BAZ1B: variants seen among roughly 807,000 people sequenced by gnomAD.
BAZ1B encodes the protein tyrosine-protein kinase BAZ1B.
In BAZ1B, 22 loss-of-function variants were observed where a neutral mutation model predicts 153.8. That is an observed-to-expected ratio of 0.14 (90% CI 0.10 to 0.20). BAZ1B has a LOEUF of 0.20. Among genes scored for constraint, BAZ1B ranks in the 10% least tolerant of loss-of-function variants. BAZ1B has a pLI of 1.00. For synonymous variants in BAZ1B, 676 were observed against 633.4 expected, an observed-to-expected ratio of 1.07 and a Z score of -1.01; for missense variants, 1,325 against 1,799.3, an observed-to-expected ratio of 0.74 and a Z score of 4.77.
At chr7:73,462,859 C>T in intron 12 of BAZ1B, 63 bp downstream of exon 12, 1 of 1,562,446 alleles carries the variant, frequency 6.4e-7, no homozygotes, top group Non-Finnish European at 8.8e-7. Flanking sequence ...AGAACAGCAC[C>T]AGGGAAGAAC....
At chr7:73,510,562 C>T (rs975813429) in intron 2 of BAZ1B, among the ~76,000 whole-genome samples, 174 bp downstream of exon 2, 3 of 152,228 alleles carry the variant, frequency 2.0e-5, no homozygotes, top group African/African-American at 4.8e-5. Flanking sequence ...TTCCATATTG[C>T]TACTGCAAAA....
intron 3 of BAZ1B, among the ~76,000 whole-genome samples, chr7:73,501,194 T>C (rs768041621): frequency 1.3e-5 from 2 of 152,000 alleles, no homozygotes; most frequent in Non-Finnish European, 2.9e-5. Flanking sequence ...ATGCGGAGGT[T>C]GCGGTGAGCC....
chr7:73,489,089 A>T (rs1554574972), intron 6 of BAZ1B, 105 bp downstream of exon 6: 2 of 1,202,678 alleles, frequency 1.7e-6, no homozygotes, highest in East Asian at 5.0e-5. Flanking sequence ...TTAATTCATT[A>T]TCTGATGTTA....
rs1278127882 is a variant in BAZ1B at position 73,450,606 on chromosome 7, C to G, written c.3580+241G>C. ...ACTAATTTTGTTTTCTGTAAAAAATCAGAAGATTGAAGAGATCAATTGCTT... is the reference window on the plus strand; with the variant it reads ...ACTAATTTTGTTTTCTGTAAAAAATGAGAAGATTGAAGAGATCAATTGCTT... On this transcript the variant is annotated intron_variant, in intron 14 of 19. Coordinates refer to ENST00000339594, the MANE Select transcript of BAZ1B (RefSeq NM_032408.4). The surrounding 1 kb of genome is among the most constrained non-coding windows in gnomAD (Gnocchi z 4.1). Among the ~76,000 whole-genome samples the G allele has an allele frequency of 6.6e-6, 1 of 152,132 alleles. No homozygotes were observed. The highest frequency in any genetic ancestry group is 2.4e-5 in the African/African-American group (1 of 41,428).
At position 73,469,502 on chromosome 7, in the gene BAZ1B, T is replaced by C. The variant is rs782496955; in HGVS notation, c.2866+15A>G. The stretch of plus-strand genomic sequence containing the variant: ...AGCAGGGTGAAATAACTCTTAGATA[T>C]ACAGATATACTCACTGCGAGGACAG... On this transcript the variant is annotated intron_variant, in intron 9 of 19. Coordinates refer to ENST00000339594, the MANE Select transcript of BAZ1B (RefSeq NM_032408.4). The C allele has an allele frequency of 1.2e-5, 19 of 1,613,824 alleles. No homozygotes were observed. Among genetic ancestry groups the C allele is most frequent in the Non-Finnish European group, 1.5e-5 (18 of 1,179,886 alleles).
intron 3 of BAZ1B, chr7:73,507,091 G>C (rs1037777191): frequency 6.6e-6 from 1 of 151,458 alleles, no homozygotes; most frequent in African/African-American, 2.4e-5. Context: ...TGTTAGCCAG[G>C]ATGGTCTCGA....
chr7:73,513,612 A>G (rs892958460), intron 1 of BAZ1B, among the ~76,000 whole-genome samples: 1 of 152,158 alleles, frequency 6.6e-6, no homozygotes, highest in Non-Finnish European at 1.5e-5. Flanking sequence ...GATTTGTCTT[A>G]TTTTTGTCTA....
chr7:73,459,958 G>C (rs1386147516), intron 12 of BAZ1B, among the ~76,000 whole-genome samples: 1 of 152,120 alleles, frequency 6.6e-6, no homozygotes, highest in Admixed American at 6.6e-5. Context: ...ATTTTGGGGG[G>C]CCAAGGCGGG....
chr7:73,492,402 T>C (rs1789687554), intron 5 of BAZ1B, among the ~76,000 whole-genome samples: 1 of 152,104 alleles, frequency 6.6e-6, no homozygotes, highest in Non-Finnish European at 1.5e-5. Context: ...GACCTCATGA[T>C]CCGCCCACCT....
At chr7:73,507,958 C>T (rs1583950373) in intron 3 of BAZ1B, among the ~76,000 whole-genome samples, 1 of 151,898 alleles carries the variant, frequency 6.6e-6, no homozygotes, top group African/African-American at 2.4e-5. Context: ...AGTTTGAGAC[C>T]AGCCTGGCCA....
At chr7:73,485,134 A>G (rs1446601701) in intron 6 of BAZ1B, among the ~76,000 whole-genome samples, 1 of 152,048 alleles carries the variant, frequency 6.6e-6, no homozygotes, top group Non-Finnish European at 1.5e-5. Context: ...GAATCTCTCC[A>G]TGTTGCCCAA....
At chr7:73,459,400 A>AT in intron 13 of BAZ1B, 136 bp downstream of exon 13, 2 of 895,712 alleles carry the variant, frequency 2.2e-6, no homozygotes, top group Non-Finnish European at 3.3e-6. Flanking sequence ...AAAAAAAAAA[A>AT]AAACACACAC....
At chr7:73,471,776 G>C (rs1048977888) in intron 7 of BAZ1B, among the ~76,000 whole-genome samples, 7 of 151,880 alleles carry the variant, frequency 4.6e-5, no homozygotes, top group Non-Finnish European at 8.8e-5. Flanking sequence ...TTTAAAACAT[G>C]GAATTTGTTA....
At chr7:73,498,292 C>T (rs1198163776) in intron 4 of BAZ1B, among the ~76,000 whole-genome samples, 1 of 152,078 alleles carries the variant, frequency 6.6e-6, no homozygotes, top group Non-Finnish European at 1.5e-5. Context: ...CTAGAGGAAA[C>T]GACTTCCCAA....
chr7:73,468,164 A>G lies in BAZ1B; in HGVS notation c.2866+1353T>C, dbSNP rs554914107. 2.0e-5 allele frequency among the ~76,000 whole-genome samples: 3 copies of G among 152,304 alleles called. No individual in the cohort carries two copies. In the South Asian group the frequency reaches 6.2e-4, roughly 32 times the overall value. The stretch of plus-strand genomic sequence containing the variant: ...CTTCTTTTATTTCTTTATCTCCCAC[A>G]TGACACCAACACATAAGCAATTTTC... On this transcript the variant is annotated intron_variant, in intron 9 of 19. Transcript: ENST00000339594.
At chr7:73,443,383 CA>C (rs34604283) in intron 17 of BAZ1B, among the ~76,000 whole-genome samples, 31,511 of 152,008 alleles carry the variant, frequency 0.21, 3,719 homozygotes, top group African/African-American at 0.31. Context: ...GTAGCCATAA[CA>C]AAAGCTGTGA....
intron 17 of BAZ1B, 44 bp downstream of exon 17, chr7:73,443,940 T>A: frequency 1.2e-6 from 2 of 1,610,744 alleles, no homozygotes; most frequent in Non-Finnish European, 1.7e-6. Context: ...GGGTAGGGAA[T>A]AAGAAACAGA....
chr7:73,500,893 A>AAAAAAAAAAAAAAAAC (rs1314425916), intron 3 of BAZ1B, among the ~76,000 whole-genome samples: 33 of 151,242 alleles, frequency 2.2e-4, no homozygotes, highest in African/African-American at 8.0e-4. Flanking sequence ...CTGTTTATAA[A>AAAAAAAAAAAAAAAAC]AAAAAAAAAA....
intron 4 of BAZ1B, among the ~76,000 whole-genome samples, chr7:73,496,383 A>G (rs1789895140): frequency 6.6e-6 from 1 of 152,208 alleles, no homozygotes; most frequent in South Asian, 2.1e-4. Flanking sequence ...CTACATTAAG[A>G]AAGTACCTCA....
Sources: allele counts gnomAD v4.1 joint callset (sites outside exome capture counted in the v4.1 genomes callset), GRCh38; gene constraint gnomAD v4.1.1; non-coding constraint Gnocchi (gnomAD v3.1); transcripts MANE v1.5; gene names NCBI Gene and HGNC (gene_info 2026-07-23, HGNC 2026-07-21).